Variants in GALNTL6 observed in about 807,000 individuals in gnomAD.
GALNTL6 encodes polypeptide N-acetylgalactosaminyltransferase-like 6.
A neutral mutation model predicts 73.7 loss-of-function variants in GALNTL6; 46 were observed. The ratio of observed to expected loss-of-function variants is 0.62; its 90% CI spans 0.49 to 0.80. The LOEUF is 0.80. Among genes scored for constraint, GALNTL6 ranks in the 30% least tolerant of loss-of-function variants. The pLI, the probability that GALNTL6 is intolerant of heterozygous loss-of-function variation, is 0.00. For synonymous variants in GALNTL6, 259 were observed against 263.7 expected, an observed-to-expected ratio of 0.98 and a Z score of 0.17; for missense variants, 604 against 755.0, an observed-to-expected ratio of 0.80 and a Z score of 2.34.
chr4:172,264,533 A>G (rs1360689853), intron 3 of GALNTL6, among the ~76,000 whole-genome samples: 1 of 138,564 alleles, frequency 7.2e-6, no homozygotes, highest in Admixed American at 7.5e-5. Context: ...ATATTTAAAT[A>G]AGGTTGGCAT....
chr4:172,009,455 G>C (rs1342959813), intron 2 of GALNTL6, among the ~76,000 whole-genome samples: 2 of 152,066 alleles, frequency 1.3e-5, no homozygotes, highest in Non-Finnish European at 2.9e-5. Context: ...TTTAACATTT[G>C]TTTTATGAAT....
At chr4:171,848,514 A>G (rs1052501604) in intron 2 of GALNTL6, among the ~76,000 whole-genome samples, 1 of 152,184 alleles carries the variant, frequency 6.6e-6, no homozygotes, top group African/African-American at 2.4e-5. Context: ...TTTTTTCCCT[A>G]TATAAGGCTG....
chr4:172,360,729 C>T (rs985436701), intron 5 of GALNTL6, among the ~76,000 whole-genome samples: 1 of 152,194 alleles, frequency 6.6e-6, no homozygotes, highest in African/African-American at 2.4e-5. Flanking sequence ...GAATAACCTA[C>T]ACCACAACTG....
At chr4:172,500,385 C>T (rs1734219447) in intron 5 of GALNTL6, among the ~76,000 whole-genome samples, 1 of 152,118 alleles carries the variant, frequency 6.6e-6, no homozygotes, top group South Asian at 2.1e-4. Context: ...AGCATCACTA[C>T]ACTCCAGCCT....
rs1472670051 is a variant in GALNTL6 at position 172,313,217 on chromosome 4, C to G, written c.386+1465C>G. Among the ~76,000 whole-genome samples, 4 of 151,292 alleles carry G rather than the reference C, an allele frequency of 2.6e-5. No individual in the cohort carries two copies. The East Asian group carries it at 7.9e-4, about 30-fold the overall frequency. ...CTCGGCTCACTGCAAGCTCCGCCTC[C>G]TGGGTTCACGCCATTCTCCTGCCTC... is the stretch of plus-strand genomic sequence containing the variant. On this transcript the variant is annotated intron_variant, in intron 4 of 12. Coordinates refer to ENST00000506823, the MANE Select transcript of GALNTL6 (RefSeq NM_001034845.3).
chr4:172,414,577 T>A (rs993855239), intron 5 of GALNTL6, among the ~76,000 whole-genome samples: 1 of 152,212 alleles, frequency 6.6e-6, no homozygotes, highest in East Asian at 1.9e-4. Flanking sequence ...TAGAGCACAC[T>A]ACTCTTAGCG....
At chr4:172,404,501 G>C (rs1001110910) in intron 5 of GALNTL6, among the ~76,000 whole-genome samples, 1 of 151,942 alleles carries the variant, frequency 6.6e-6, no homozygotes, top group Non-Finnish European at 1.5e-5. Context: ...ATTTCCTCCT[G>C]TTATGTTTTA....
At chr4:173,031,157 G>T (rs1753443313) in intron 12 of GALNTL6, among the ~76,000 whole-genome samples, 1 of 152,070 alleles carries the variant, frequency 6.6e-6, no homozygotes, top group Non-Finnish European at 1.5e-5. Flanking sequence ...TATAAAATGG[G>T]AATAATAATT....
intron 5 of GALNTL6, among the ~76,000 whole-genome samples, chr4:172,754,508 G>A (rs778498645): frequency 4.6e-4 from 70 of 152,196 alleles, no homozygotes; most frequent in African/African-American, 1.6e-3. Context: ...GGAGGTGGAG[G>A]TTGCAGTGAG....
chr4:172,593,257 T>C (rs980052486), intron 5 of GALNTL6, among the ~76,000 whole-genome samples: 3 of 152,208 alleles, frequency 2.0e-5, no homozygotes, highest in Admixed American at 1.3e-4. Context: ...TAATCTTGTT[T>C]GTTACCTTGT....
intron 2 of GALNTL6, among the ~76,000 whole-genome samples, chr4:172,019,611 G>A (rs1019147931): frequency 6.6e-6 from 1 of 152,214 alleles, no homozygotes; most frequent in South Asian, 2.1e-4. Flanking sequence ...AACTCAGCAA[G>A]AGGATATAAC....
At chr4:172,877,450 T>C (rs762211099) in intron 7 of GALNTL6, among the ~76,000 whole-genome samples, 17 of 151,972 alleles carry the variant, frequency 1.1e-4, no homozygotes, top group Admixed American at 2.6e-4. Context: ...GAGAAGATGA[T>C]CAACTACACA....
chr4:171,886,431 C>G (rs762485591), intron 2 of GALNTL6, among the ~76,000 whole-genome samples: 4 of 152,106 alleles, frequency 2.6e-5, no homozygotes, highest in Non-Finnish European at 4.4e-5. Context: ...GTATAATTTT[C>G]TCACACCTGT....
At chr4:172,464,391 G>T (rs1307242026) in intron 5 of GALNTL6, among the ~76,000 whole-genome samples, 1 of 152,064 alleles carries the variant, frequency 6.6e-6, no homozygotes, top group African/African-American at 2.4e-5. Context: ...TAAAGACCTA[G>T]AAATTTTAAT....
At position 172,211,349 on chromosome 4, in the gene GALNTL6, G is replaced by A. The variant is rs114231604; in HGVS notation, c.139-18307G>A. ...TTGTATACTAATCATGTATTTACAC[G>A]TATGTCTAAATATTTCTATATGTAA... On this transcript the variant is annotated intron_variant, in intron 2 of 12. Transcript: ENST00000506823. 7.0e-3 allele frequency among the ~76,000 whole-genome samples: 1,070 copies of A among 152,206 alleles called. 18 individuals carry two copies. The highest frequency in any genetic ancestry group is 0.024 in the African/African-American group (1,015 of 41,532).
At chr4:172,821,026 C>A (rs947930868) in intron 7 of GALNTL6, among the ~76,000 whole-genome samples, 1 of 152,102 alleles carries the variant, frequency 6.6e-6, no homozygotes, top group Non-Finnish European at 1.5e-5. Context: ...ATTCCAGAAG[C>A]CCCTCAATTA....
chr4:172,314,270 C>CT, intron 4 of GALNTL6, among the ~76,000 whole-genome samples: 1 of 152,160 alleles, frequency 6.6e-6, no homozygotes, highest in African/African-American at 2.4e-5. Flanking sequence ...GAAACTTTTC[C>CT]TTTTCAGTAA....
intron 5 of GALNTL6, among the ~76,000 whole-genome samples, chr4:172,524,299 A>G (rs1298593883): frequency 1.3e-5 from 2 of 151,380 alleles, no homozygotes; most frequent in Non-Finnish European, 2.9e-5. Flanking sequence ...CCCAGGCTGG[A>G]GTGCAGTGGT....
intron 2 of GALNTL6, among the ~76,000 whole-genome samples, chr4:171,989,192 A>G (rs1262082577): frequency 1.3e-5 from 2 of 152,042 alleles, no homozygotes; most frequent in Non-Finnish European, 2.9e-5. Flanking sequence ...CTCCGTATTG[A>G]TTAAGAAGGG....
Sources: allele counts gnomAD v4.1 joint callset (sites outside exome capture counted in the v4.1 genomes callset), GRCh38; gene constraint gnomAD v4.1.1; transcripts MANE v1.5; gene names NCBI Gene and HGNC (gene_info 2026-07-23, HGNC 2026-07-21).